Variants in TRIP12 observed in about 807,000 individuals in gnomAD.
TRIP12 encodes E3 ubiquitin-protein ligase TRIP12.
A neutral mutation model predicts 244.2 loss-of-function variants in TRIP12; 25 were observed. The ratio of observed to expected loss-of-function variants is 0.10; its 90% CI spans 0.07 to 0.14. The LOEUF is 0.14. Among genes scored for constraint, TRIP12 ranks in the 10% least tolerant of loss-of-function variants. The pLI is 1.00. For missense variants in TRIP12, 1,677 were observed against 2,486.4 expected (o/e 0.67, Z 6.92); for synonymous variants, 905 against 873.1 (o/e 1.04, Z -0.64).
intron 8 of TRIP12, among the ~76,000 whole-genome samples, chr2:229,828,578 C>T (rs1393039977): frequency 2.6e-5 from 4 of 151,968 alleles, no homozygotes; most frequent in Non-Finnish European, 5.9e-5. Flanking sequence ...TCGAGATCAG[C>T]CATCCAACAT....
At chr2:229,821,113 G>A (rs2049936385) in intron 8 of TRIP12, among the ~76,000 whole-genome samples, 1 of 152,026 alleles carries the variant, frequency 6.6e-6, no homozygotes, top group Non-Finnish European at 1.5e-5. Context: ...AATTAACTTT[G>A]GTTCAGTAAG....
At chr2:229,787,977 A>G (rs1450183277) in intron 32 of TRIP12, among the ~76,000 whole-genome samples, 2 of 151,966 alleles carry the variant, frequency 1.3e-5, no homozygotes, top group African/African-American at 4.8e-5. Flanking sequence ...TAATTTTTGT[A>G]TTTTTAGTAG....
At chr2:229,879,121 G>A (rs2064288574) in intron 2 of TRIP12, among the ~76,000 whole-genome samples, 1 of 151,974 alleles carries the variant, frequency 6.6e-6, no homozygotes, top group Non-Finnish European at 1.5e-5. Flanking sequence ...GTGCGGTGGT[G>A]CACACCTGTA....
intron 25 of TRIP12, among the ~76,000 whole-genome samples, 199 bp from the exon 26 acceptor site, chr2:229,795,529 C>T (rs2042594155): frequency 6.6e-6 from 1 of 152,148 alleles, no homozygotes; most frequent in Non-Finnish European, 1.5e-5. Context: ...AGCCCACAAT[C>T]CTGTATTCAC....
intron 1 of TRIP12, among the ~76,000 whole-genome samples, chr2:229,891,139 G>A (rs1471115507): frequency 6.6e-6 from 1 of 152,044 alleles, no homozygotes; most frequent in East Asian, 1.9e-4. Context: ...AATTAGCTGG[G>A]GCTGGGCGCA....
chr2:229,912,822 C>T (rs992957744), intron 1 of TRIP12, among the ~76,000 whole-genome samples: 2 of 152,158 alleles, frequency 1.3e-5, no homozygotes, highest in Admixed American at 1.3e-4. Flanking sequence ...TCTAAGAGGG[C>T]AGATCTTGTA....
chr2:229,858,683 A>T, intron 4 of TRIP12, 89 bp downstream of exon 4: 1 of 1,191,348 alleles, frequency 8.4e-7, no homozygotes, highest in African/African-American at 1.5e-5. Context: ...ACTGGGGGGA[A>T]AAAACCCTTA....
intron 4 of TRIP12, among the ~76,000 whole-genome samples, chr2:229,849,666 G>C (rs377416511): frequency 2.0e-5 from 3 of 151,714 alleles, no homozygotes; most frequent in Admixed American, 2.0e-4. Context: ...AGTTTGAGAC[G>C]AACCTAGGCA....
At chr2:229,792,128 A>T in intron 28 of TRIP12, 25 bp downstream of exon 28, 1 of 1,614,012 alleles carries the variant, frequency 6.2e-7, no homozygotes, top group South Asian at 1.1e-5. Flanking sequence ...AGTACATTAT[A>T]CATGGTGGGA....
rs978263214 is a variant in TRIP12, at chr2:229,766,690, A to T, written c.*864T>A. 5 of 152,238 alleles carry T rather than the reference A, an allele frequency of 3.3e-5. No homozygotes were observed. Among genetic ancestry groups the T allele is most frequent in the African/African-American group, 1.2e-4 (5 of 41,456 alleles). The allele number at this position is 152,238 out of a possible 1,614,324, so 9.4% of individuals were successfully genotyped here. ...TTAATTTAAAATCCTCTGGCCACAGAATAATAAATACCGGCCAGCCCAAGC... is the reference window on the plus strand; with the variant it reads ...TTAATTTAAAATCCTCTGGCCACAGTATAATAAATACCGGCCAGCCCAAGC... On this transcript the variant is annotated 3_prime_UTR_variant, in exon 42 of 42. Transcript: ENST00000675903.
At chr2:229,793,349 G>A in intron 26 of TRIP12, 1 of 437,782 alleles carries the variant, frequency 2.3e-6, no homozygotes, top group East Asian at 3.6e-5. Context: ...AAAGACGGAT[G>A]TGTATGCATG....
chr2:229,910,986 G>A (rs1043936208), intron 1 of TRIP12, among the ~76,000 whole-genome samples: 1 of 152,186 alleles, frequency 6.6e-6, no homozygotes, highest in African/African-American at 2.4e-5. Flanking sequence ...TTTGGACCTG[G>A]GGTGGAAGGG....
chr2:229,814,765 A>T (rs2048100191), intron 11 of TRIP12, among the ~76,000 whole-genome samples: 1 of 152,166 alleles, frequency 6.6e-6, no homozygotes, highest in African/African-American at 2.4e-5. Context: ...TCTATTCCCC[A>T]CTGATTCAAC....
chr2:229,828,547 G>A (rs918325717), intron 8 of TRIP12, among the ~76,000 whole-genome samples: 14 of 151,964 alleles, frequency 9.2e-5, no homozygotes, highest in South Asian at 2.1e-4. Context: ...CAAGGTGGGC[G>A]GATCACCTGA....
At position 229,791,107 on chromosome 2, in the gene TRIP12, T is replaced by C. The variant is rs1328777105; in HGVS notation, c.4543+17A>G. 1.7e-5 allele frequency: 27 copies of C among 1,613,568 alleles called. No individual in the cohort carries two copies. The highest frequency in any genetic ancestry group is 2.2e-5 in the Non-Finnish European group (26 of 1,179,784). On this transcript the variant is annotated intron_variant, in intron 30 of 41. Transcript: ENST00000675903. ...GCCCAGTTGGCAATCCATTTTCCCC[T>C]TTATCTACCATCTTACCGTGCCATA...
chr2:229,885,449 T>C (rs2065815929), intron 1 of TRIP12, among the ~76,000 whole-genome samples: 2 of 152,174 alleles, frequency 1.3e-5, no homozygotes, highest in African/African-American at 4.8e-5. Context: ...ATTAGTACCC[T>C]GCATGAAACA....
intron 2 of TRIP12, among the ~76,000 whole-genome samples, chr2:229,874,365 A>C (rs1219330802): frequency 2.0e-5 from 3 of 152,178 alleles, no homozygotes; most frequent in South Asian, 2.1e-4. Context: ...AGATTTCTGA[A>C]AGACAAAAGT....
chr2:229,902,202 A>C (rs1210974352), intron 1 of TRIP12, among the ~76,000 whole-genome samples: 1 of 152,046 alleles, frequency 6.6e-6, no homozygotes, highest in African/African-American at 2.4e-5. Flanking sequence ...TGGCCAACAT[A>C]GTGAAACCCC....
intron 2 of TRIP12, among the ~76,000 whole-genome samples, chr2:229,866,748 A>G (rs1331353634): frequency 6.6e-6 from 1 of 152,216 alleles, no homozygotes; most frequent in Admixed American, 6.5e-5. Context: ...CATAAAACAA[A>G]GTAATCTACC....
Sources: allele counts gnomAD v4.1 joint callset (sites outside exome capture counted in the v4.1 genomes callset), GRCh38; gene constraint gnomAD v4.1.1; transcripts MANE v1.5; gene names NCBI Gene and HGNC (gene_info 2026-07-23, HGNC 2026-07-21).